Variants in PIK3CB observed in about 807,000 individuals in gnomAD.
The protein encoded by PIK3CB is phosphatidylinositol-4,5-bisphosphate 3-kinase catalytic subunit beta.
PIK3CB carries 39 observed loss-of-function variants against 136.8 expected under a neutral mutation model. The ratio of observed to expected loss-of-function variants is 0.29; its 90% CI spans 0.22 to 0.37. The LOEUF is 0.37. Among genes scored for constraint, PIK3CB ranks in the 10% least tolerant of loss-of-function variants. PIK3CB has a pLI of 1.00. For missense variants in PIK3CB, 868 were observed against 1,275.4 expected, an observed-to-expected ratio of 0.68 and a Z score of 4.87; for synonymous variants, 428 against 436.6, an observed-to-expected ratio of 0.98 and a Z score of 0.25.
intron 2 of PIK3CB, among the ~76,000 whole-genome samples, chr3:138,773,676 A>G (rs2045825982): frequency 6.6e-6 from 1 of 152,216 alleles, no homozygotes; most frequent in Admixed American, 6.5e-5. Flanking sequence ...ATGCTAATAA[A>G]ACTCTTCAGA....
At chr3:138,670,073 G>A (rs747366418) in intron 19 of PIK3CB, among the ~76,000 whole-genome samples, 5 of 152,194 alleles carry the variant, frequency 3.3e-5, no homozygotes, top group Non-Finnish European at 5.9e-5. Flanking sequence ...TTCGCACAAT[G>A]CTTCCCATCA....
chr3:138,762,588 G>C (rs1195632425), intron 2 of PIK3CB, among the ~76,000 whole-genome samples: 2 of 152,176 alleles, frequency 1.3e-5, no homozygotes, highest in Non-Finnish European at 2.9e-5. Flanking sequence ...TGGTGTAGGA[G>C]CTTCTCAATC....
intron 8 of PIK3CB, among the ~76,000 whole-genome samples, chr3:138,728,866 A>G (rs1330393903): frequency 6.6e-6 from 1 of 152,168 alleles, no homozygotes; most frequent in Non-Finnish European, 1.5e-5. Context: ...TTCTTAAAGG[A>G]TAAAAATTTT....
chr3:138,781,439 C>T (rs1011232985), intron 2 of PIK3CB, among the ~76,000 whole-genome samples: 1 of 151,702 alleles, frequency 6.6e-6, no homozygotes, highest in Non-Finnish European at 1.5e-5. Context: ...CATAGTGAGA[C>T]CCCCATCTCT....
chr3:138,666,536 G>A (rs1441287738), intron 19 of PIK3CB, among the ~76,000 whole-genome samples: 1 of 152,010 alleles, frequency 6.6e-6, no homozygotes, highest in African/African-American at 2.4e-5. Context: ...CTATTTATTA[G>A]GGCTTTAGAC....
At chr3:138,718,223 G>A (rs777960760) in intron 8 of PIK3CB, among the ~76,000 whole-genome samples, 65 of 152,226 alleles carry the variant, frequency 4.3e-4, no homozygotes, top group Non-Finnish European at 7.8e-4. Flanking sequence ...TAGCCATTGC[G>A]ACTGGTGTGA....
intron 5 of PIK3CB, among the ~76,000 whole-genome samples, chr3:138,739,841 C>T (rs183575748): frequency 0.01 from 1,518 of 148,530 alleles, 15 homozygotes; most frequent in Non-Finnish European, 0.015. Flanking sequence ...TTGGAAGTTG[C>T]AGTGAGCCGA....
At chr3:138,795,626 T>C (rs962817020) in intron 2 of PIK3CB, among the ~76,000 whole-genome samples, 4 of 151,934 alleles carry the variant, frequency 2.6e-5, no homozygotes, top group Non-Finnish European at 4.4e-5. Context: ...AAGACTCCGT[T>C]TCAAAAAAAC....
chr3:138,676,588 T>C (rs1031843768), intron 19 of PIK3CB, among the ~76,000 whole-genome samples: 1 of 152,188 alleles, frequency 6.6e-6, no homozygotes, highest in African/African-American at 2.4e-5. Flanking sequence ...AGCAAAATAG[T>C]GAAACCAACC....
chr3:138,792,459 G>T (rs571090458), intron 2 of PIK3CB, among the ~76,000 whole-genome samples: 1 of 152,070 alleles, frequency 6.6e-6, no homozygotes, highest in Non-Finnish European at 1.5e-5. Context: ...CTGCAGCCTC[G>T]ACCTCCTGGG....
chr3:138,772,909 C>T (rs902340506), intron 2 of PIK3CB, among the ~76,000 whole-genome samples: 1 of 151,412 alleles, frequency 6.6e-6, no homozygotes, highest in Non-Finnish European at 1.5e-5. Flanking sequence ...CCTCAACCTC[C>T]CAAGTAGCTG....
intron 3 of PIK3CB, among the ~76,000 whole-genome samples, chr3:138,757,171 CATG>C (rs950763329): frequency 1.3e-5 from 2 of 152,014 alleles, no homozygotes; most frequent in Non-Finnish European, 2.9e-5. Context: ...TTTGGGAGGC[CATG>C]GTGGGCAGAT....
chr3:138,782,999 C>T (rs1043292425), intron 2 of PIK3CB, among the ~76,000 whole-genome samples: 2 of 152,156 alleles, frequency 1.3e-5, no homozygotes, highest in Admixed American at 6.5e-5. Context: ...TTCCTTATCA[C>T]CCTTCATCCA....
chr3:138,700,738 GAT>G (rs1553725095), intron 12 of PIK3CB, among the ~76,000 whole-genome samples: 1 of 148,890 alleles, frequency 6.7e-6, no homozygotes, highest in Admixed American at 6.7e-5. Context: ...TAGATAGATA[GAT>G]AGATAGAGAT....
intron 1 of PIK3CB, among the ~76,000 whole-genome samples, chr3:138,802,429 G>T: frequency 6.6e-6 from 1 of 151,634 alleles, no homozygotes; most frequent in East Asian, 1.9e-4. Context: ...AGTAGAAAGG[G>T]GAAAGGAAAG....
intron 10 of PIK3CB, among the ~76,000 whole-genome samples, chr3:138,711,640 G>A (rs1171339148): frequency 4.7e-5 from 7 of 147,622 alleles, no homozygotes; most frequent in Middle Eastern, 3.6e-3. Context: ...ATGGTATGGA[G>A]ATGCATAAGA....
chr3:138,762,337 G>T (rs497434), intron 2 of PIK3CB, among the ~76,000 whole-genome samples: 17 of 152,184 alleles, frequency 1.1e-4, no homozygotes, highest in Non-Finnish European at 2.4e-4. Flanking sequence ...TCCTTGAGGA[G>T]ATATAATGTC....
intron 8 of PIK3CB, among the ~76,000 whole-genome samples, chr3:138,724,199 C>T (rs1200845651): frequency 6.6e-6 from 1 of 152,140 alleles, no homozygotes; most frequent in Non-Finnish European, 1.5e-5. Flanking sequence ...CCCACAAATG[C>T]CCTCCTCAGG....
At chr3:138,684,991 AGTT>A in intron 16 of PIK3CB, 188 bp from the exon 17 acceptor site, 2 of 501,364 alleles carry the variant, frequency 4.0e-6, no homozygotes, top group South Asian at 6.2e-5. Context: ...TATTTTTAAC[AGTT>A]GTTATAGCAT....
Sources: allele counts gnomAD v4.1 joint callset (sites outside exome capture counted in the v4.1 genomes callset), GRCh38; gene constraint gnomAD v4.1.1; transcripts MANE v1.5; gene names NCBI Gene and HGNC (gene_info 2026-07-23, HGNC 2026-07-21).